The following ATP11C variants were observed in gnomAD, a reference collection of about 807,000 sequenced individuals.
ATP11C encodes the protein ATPase phospholipid transporting 11C (ATP11C blood group).
ATP11C carries 36 observed loss-of-function variants against 97.4 expected under a neutral mutation model. That is an observed-to-expected ratio of 0.37 (90% CI 0.28 to 0.49). The LOEUF (loss-of-function observed/expected upper bound fraction) is 0.49, where lower values mean the gene tolerates loss of function less well. Among genes scored for constraint, ATP11C ranks in the 20% least tolerant of loss-of-function variants. The probability of loss-of-function intolerance (pLI) is 0.98; values close to 1 mark genes in which losing one functional copy is unlikely to be tolerated. For missense variants in ATP11C, 730 were observed against 824.6 expected, an observed-to-expected ratio of 0.89 and a Z score of 1.40; for synonymous variants, 275 against 290.9, an observed-to-expected ratio of 0.95 and a Z score of 0.56.
intron 27 of ATP11C, among the ~76,000 whole-genome samples, chrX:139,739,731 T>C (rs1000864958): frequency 8.9e-5 from 10 of 111,856 alleles, no homozygotes; most frequent in African/African-American, 3.2e-4. Context: ...AACATTTTAT[T>C]TTTGTAGAAA....
intron 1 of ATP11C, among the ~76,000 whole-genome samples, chrX:139,917,900 G>A (rs1196180901): frequency 3.2e-5 from 3 of 95,026 alleles, no homozygotes; most frequent in African/African-American, 1.2e-4. Flanking sequence ...AGATTGCAGT[G>A]AGCAGAGATC....
chrX:139,903,536 CAT>C (rs2148114314), intron 1 of ATP11C, among the ~76,000 whole-genome samples: 1 of 109,230 alleles, frequency 9.2e-6, no homozygotes, highest in Non-Finnish European at 1.9e-5. Flanking sequence ...CTTCTTCTCC[CAT>C]ATCTCACCCT....
chrX:139,842,518 T>C (rs1388283158), intron 1 of ATP11C, among the ~76,000 whole-genome samples: 1 of 112,740 alleles, frequency 8.9e-6, no homozygotes. Flanking sequence ...CTGTATCAAT[T>C]CCTGCAATAG....
chrX:139,748,112 G>A (rs1025964256), intron 24 of ATP11C, among the ~76,000 whole-genome samples: 1 of 111,890 alleles, frequency 8.9e-6, no homozygotes, highest in African/African-American at 3.2e-5. Context: ...GAAGGCTGGA[G>A]GAGGGTGTTA....
chrX:139,896,600 T>C (rs2084811575), intron 1 of ATP11C, among the ~76,000 whole-genome samples: 1 of 100,129 alleles, frequency 1.0e-5, no homozygotes, highest in Non-Finnish European at 2.0e-5. Context: ...CACACTTTTT[T>C]TCCCTTTCTT....
intron 1 of ATP11C, among the ~76,000 whole-genome samples, chrX:139,850,328 G>T (rs1448765116): frequency 9.0e-6 from 1 of 110,938 alleles, no homozygotes; most frequent in Non-Finnish European, 1.9e-5. Context: ...TCAGAATGTT[G>T]GTATAAACAT....
chrX:139,802,981 A>T (rs1400151387), intron 6 of ATP11C, among the ~76,000 whole-genome samples: 2 of 111,841 alleles, frequency 1.8e-5, no homozygotes, highest in Admixed American at 1.9e-4. Context: ...GCGCCAATGA[A>T]CCCACTTATA....
intron 24 of ATP11C, among the ~76,000 whole-genome samples, chrX:139,747,570 A>G (rs1383631925): frequency 9.0e-6 from 1 of 111,731 alleles, no homozygotes; most frequent in Non-Finnish European, 1.9e-5. Context: ...GAAACAAATT[A>G]CACCTGTTCC....
At chrX:139,787,073 T>C in intron 15 of ATP11C, 100 bp downstream of exon 15, 2 of 1,126,805 alleles carry the variant, frequency 1.8e-6, no homozygotes, top group Non-Finnish European at 2.4e-6. Context: ...CAGGGTCCTG[T>C]ATTTTTAGTG....
intron 1 of ATP11C, among the ~76,000 whole-genome samples, chrX:139,899,352 G>A (rs2084859553): frequency 9.1e-6 from 1 of 109,667 alleles, no homozygotes; most frequent in East Asian, 2.9e-4. Flanking sequence ...GCGTGGTGGC[G>A]GGAACCCCCA....
intron 1 of ATP11C, among the ~76,000 whole-genome samples, chrX:139,852,759 T>C (rs963442932): frequency 2.7e-5 from 3 of 109,994 alleles, no homozygotes; most frequent in African/African-American, 9.9e-5. Context: ...ATGGGATTTA[T>C]ACCAGCACAC....
intron 2 of ATP11C, among the ~76,000 whole-genome samples, chrX:139,823,822 CTTAAA>C (rs1160929628): frequency 1.8e-5 from 2 of 111,645 alleles, no homozygotes; most frequent in African/African-American, 6.5e-5. Flanking sequence ...ACAAACGGGA[CTTAAA>C]TTAAAAAGCT....
chrX:139,737,860 G>A, intron 28 of ATP11C, 56 bp downstream of exon 28: 2 of 1,127,726 alleles, frequency 1.8e-6, no homozygotes, highest in Non-Finnish European at 2.4e-6. Flanking sequence ...TTTAGCTCAT[G>A]GCAGATATTG....
chrX:139,885,047 A>G (rs930296193), intron 1 of ATP11C, among the ~76,000 whole-genome samples: 1 of 111,388 alleles, frequency 9.0e-6, no homozygotes, highest in Non-Finnish European at 1.9e-5. Flanking sequence ...ACAAATCACG[A>G]TATCTAAAAG....
At chrX:139,904,371 T>C (rs1476491653) in intron 1 of ATP11C, among the ~76,000 whole-genome samples, 1 of 109,480 alleles carries the variant, frequency 9.1e-6, no homozygotes, top group Non-Finnish European at 1.9e-5. Flanking sequence ...CTACCAAAAA[T>C]ACAAAAAATT....
chrX:139,794,080 T>C (rs1306994272), intron 12 of ATP11C, among the ~76,000 whole-genome samples: 4 of 112,103 alleles, frequency 3.6e-5, no homozygotes, highest in Non-Finnish European at 7.5e-5. Flanking sequence ...TTTTTCAATA[T>C]GGATTACAAT....
rs941961832 is a variant in ATP11C, at chrX:139,762,060, A to G, written c.2541T>C (p.Tyr847=). The change falls in exon 22 of 30, where the codon TAT becomes TAC. Residue 847 remains tyrosine (Y), a synonymous_variant. Coordinates refer to ENST00000682941, the MANE Select transcript of ATP11C (RefSeq NM_001353812.2). The part of the protein sequence containing the change: ...EGRQAARNSD[Y]SVPKFKHLKK... ...TTAAGTGTTTAAACTTTGGAACAGA[A>G]TAATCGCTATTCCTAGCTGCTTGGC... The G allele has an allele frequency of 2.5e-6, 3 of 1,206,834 alleles. No homozygotes were observed. The African/African-American group carries it at 5.2e-5, about 21-fold the overall frequency.
At chrX:139,840,756 T>G (rs1399726644) in intron 1 of ATP11C, among the ~76,000 whole-genome samples, 1 of 111,413 alleles carries the variant, frequency 9.0e-6, no homozygotes, top group African/African-American at 3.3e-5. Flanking sequence ...TCTCACTTAA[T>G]AATCATAAAC....
chrX:139,883,891 C>A (rs1050591614), intron 1 of ATP11C, among the ~76,000 whole-genome samples: 2 of 111,631 alleles, frequency 1.8e-5, no homozygotes, highest in African/African-American at 6.5e-5. Flanking sequence ...GTGACATCAG[C>A]TTGCTAAGAA....
Sources: allele counts gnomAD v4.1 joint callset (sites outside exome capture counted in the v4.1 genomes callset), GRCh38; gene constraint gnomAD v4.1.1; transcripts MANE v1.5; gene names NCBI Gene and HGNC (gene_info 2026-07-23, HGNC 2026-07-21).